Variants in PCDHA9 observed in about 807,000 individuals in gnomAD.
PCDHA9 encodes protocadherin alpha-9.
A neutral mutation model predicts 62.0 loss-of-function variants in PCDHA9; 62 were observed. The ratio of observed to expected loss-of-function variants is 1.00; its 90% CI spans 0.81 to 1.23. PCDHA9 has a LOEUF of 1.23. Ranked by LOEUF, PCDHA9 falls within the 50% of genes most tolerant of loss-of-function variation. The pLI is 0.00. For missense variants in PCDHA9, 1,205 were observed against 1,249.8 expected, an observed-to-expected ratio of 0.96 and a Z score of 0.54; for synonymous variants, 557 against 567.6, an observed-to-expected ratio of 0.98 and a Z score of 0.27.
intron 1 of PCDHA9, among the ~76,000 whole-genome samples, chr5:140,923,958 T>C (rs1447655640): frequency 1.3e-5 from 2 of 152,216 alleles, no homozygotes; most frequent in Admixed American, 6.5e-5. Context: ...CACGCCCTAA[T>C]CTATACCCAC....
rs2150446385 is a variant in PCDHA9, at chr5:140,849,716, G to A, written c.1221G>A (p.Leu407=). Residue 407 remains leucine, a synonymous_variant, in exon 1 of 4, where the codon TTG becomes TTA. Coordinates refer to ENST00000532602, the MANE Select transcript of PCDHA9 (RefSeq NM_031857.2). Reference sequence around the variant, plus strand: ...CCACCTACAAGAATTACTACTCGTTGGTGCTGGACAGAGCTCTGGACCGCG... The same window carrying A: ...CCACCTACAAGAATTACTACTCGTTAGTGCTGGACAGAGCTCTGGACCGCG... ...LVSTYKNYYS[L]VLDRALDRES... is the part of the protein sequence containing the mutation. The A allele has an allele frequency of 1.3e-6, 2 of 1,598,596 alleles. No homozygotes were observed. The highest frequency in any genetic ancestry group is 1.7e-6 in the Non-Finnish European group (2 of 1,167,998).
chr5:140,926,703 C>G (rs2083476417), intron 1 of PCDHA9: 2 of 835,304 alleles, frequency 2.4e-6, no homozygotes, highest in Admixed American at 7.4e-5. Context: ...CGGCTCCCAG[C>G]TGGCCAGCCC....
chr5:140,896,432 G>C (rs2065542713), intron 1 of PCDHA9, among the ~76,000 whole-genome samples: 1 of 152,008 alleles, frequency 6.6e-6, no homozygotes, highest in African/African-American at 2.4e-5. Context: ...ATTCTGACTG[G>C]TGTGACTGCA....
chr5:140,960,299 A>C (rs246005), intron 1 of PCDHA9, among the ~76,000 whole-genome samples: 85,531 of 151,846 alleles, frequency 0.56, 24,685 homozygotes, highest in African/African-American at 0.69. Flanking sequence ...TTTCTTCATC[A>C]ATACCAACCT....
intron 1 of PCDHA9, chr5:140,876,199 G>A (rs1343468592): frequency 6.2e-7 from 1 of 1,613,822 alleles, no homozygotes; most frequent in African/African-American, 1.3e-5. Context: ...TCCGGCGTTT[G>A]ATAAGCCCAG....
At chr5:140,921,750 C>T (rs2080373281) in intron 1 of PCDHA9, among the ~76,000 whole-genome samples, 2 of 152,056 alleles carry the variant, frequency 1.3e-5, no homozygotes, top group African/African-American at 4.8e-5. Context: ...CATAACAGGA[C>T]ACTTCTTGGC....
In PCDHA9 at chr5:140,853,170, C is replaced by T. The variant is rs1034307381; in HGVS notation, c.2394+2281C>T. 1.5e-5 allele frequency: 14 copies of T among 964,092 alleles called. 1 individual carries two copies. The highest frequency in any genetic ancestry group is 4.8e-5 in the South Asian group (1 of 20,842). The allele number at this position is 964,092 out of a possible 1,614,324, so 59.7% of individuals were successfully genotyped here. A position where few individuals can be genotyped will look rare whatever the true frequency, so the allele number is the denominator to read the frequency against. ...CTGGGATTACAGGCGTGAGCCACCGCGCCTGGCCTAAAATGTGTTCTTTAT... is the reference window on the plus strand; with the variant it reads ...CTGGGATTACAGGCGTGAGCCACCGTGCCTGGCCTAAAATGTGTTCTTTAT... On this transcript the variant is annotated intron_variant, in intron 1 of 3. Transcript: ENST00000532602.
rs190555934 is a variant in PCDHA9 at position 140,905,437 on chromosome 5, C to G, written c.2394+54548C>G. Among the ~76,000 whole-genome samples the G allele has an allele frequency of 2.8e-3, 421 of 152,248 alleles. 2 individuals carry two copies. The highest frequency in any genetic ancestry group is 0.014 in the Middle Eastern group (4 of 294). On this transcript the variant is annotated intron_variant, in intron 1 of 3. Coordinates refer to ENST00000532602, the MANE Select transcript of PCDHA9 (RefSeq NM_031857.2). ...TACCATGCTGGTTTGATAACTACAG[C>G]CTTTTAGTATAATTTAAAGTCAGGT...
chr5:140,968,099 G>A, intron 1 of PCDHA9: 3 of 1,614,100 alleles, frequency 1.9e-6, no homozygotes, highest in South Asian at 1.1e-5. Flanking sequence ...CACAGATGGG[G>A]GAATACCGCA....
chr5:140,927,257 C>T, intron 1 of PCDHA9: 1 of 1,614,152 alleles, frequency 6.2e-7, no homozygotes, highest in Non-Finnish European at 8.5e-7. Flanking sequence ...GACAACTCAC[C>T]TCTCTTTCCT....
intron 3 of PCDHA9, among the ~76,000 whole-genome samples, chr5:140,998,569 G>GT (rs71574497): frequency 0.37 from 55,088 of 149,258 alleles, 10,597 homozygotes; most frequent in African/African-American, 0.48. Flanking sequence ...TTGTAAATAA[G>GT]TTTTTTTTTT....
chr5:140,933,372 C>T (rs1332069734), intron 1 of PCDHA9, among the ~76,000 whole-genome samples: 2 of 151,918 alleles, frequency 1.3e-5, no homozygotes, highest in African/African-American at 2.4e-5. Flanking sequence ...TCCCAAATTC[C>T]TTGGCTGTTC....
chr5:140,962,791 T>G (rs998586099), intron 1 of PCDHA9, among the ~76,000 whole-genome samples: 19 of 152,252 alleles, frequency 1.2e-4, no homozygotes, highest in Admixed American at 1.1e-3. Context: ...TAAAAACTAC[T>G]TTGGACAACT....
intron 1 of PCDHA9, chr5:140,877,509 G>A (rs781824762): frequency 5.6e-6 from 9 of 1,613,700 alleles, no homozygotes; most frequent in Non-Finnish European, 7.6e-6. Context: ...CAAAGACGTC[G>A]TCGCGGGCCT....
chr5:140,884,886 A>G (rs1261353977), intron 1 of PCDHA9, among the ~76,000 whole-genome samples: 1 of 152,220 alleles, frequency 6.6e-6, no homozygotes, highest in Non-Finnish European at 1.5e-5. Flanking sequence ...CAAAACAAGA[A>G]TATTTTGTTT....
chr5:140,857,133 C>T, intron 1 of PCDHA9: 3 of 1,598,212 alleles, frequency 1.9e-6, no homozygotes, highest in South Asian at 1.1e-5. Flanking sequence ...AAAGAAGATG[C>T]TCAAGTGGGC....
At chr5:140,876,217 G>A (rs976376933) in intron 1 of PCDHA9, 1 of 1,614,006 alleles carries the variant, frequency 6.2e-7, no homozygotes. Flanking sequence ...CAGCTATAAA[G>A]TAGTGTTGTC....
intron 1 of PCDHA9, among the ~76,000 whole-genome samples, chr5:140,952,839 T>G (rs1270756530): frequency 6.6e-6 from 1 of 152,210 alleles, no homozygotes; most frequent in Non-Finnish European, 1.5e-5. Context: ...GCTGGCCATC[T>G]GCTTGTCTTC....
At chr5:140,882,087 C>A in intron 1 of PCDHA9, 2 of 1,081,718 alleles carry the variant, frequency 1.8e-6, no homozygotes, top group Non-Finnish European at 2.6e-6. Flanking sequence ...TCGCTCTTCA[C>A]TGAGAACGTT....
Sources: gnomAD v4.1 joint callset for allele counts (sites outside exome capture counted in the v4.1 genomes callset) on GRCh38, gnomAD v4.1.1 for gene constraint, MANE v1.5 for transcripts, NCBI Gene and HGNC (gene_info 2026-07-23, HGNC 2026-07-21) for gene names.